The following GFRA1 variants were observed in gnomAD, a reference collection of about 807,000 sequenced individuals.
GFRA1 encodes GDNF family receptor alpha 1, also known as GDNF family receptor alpha-1.
A neutral mutation model predicts 51.6 loss-of-function variants in GFRA1; 16 were observed. That is an observed-to-expected ratio of 0.31 (90% CI 0.21 to 0.47). The LOEUF (loss-of-function observed/expected upper bound fraction) is 0.47, where lower values mean the gene tolerates loss of function less well. Ranked by LOEUF, GFRA1 falls within the 20% of genes least tolerant of loss-of-function variation. The pLI, the probability that GFRA1 is intolerant of heterozygous loss-of-function variation, is 1.00. For synonymous variants in GFRA1, 270 were observed against 241.3 expected (o/e 1.12, Z -1.10); for missense variants, 530 against 594.3 (o/e 0.89, Z 1.13).
intron 6 of GFRA1, among the ~76,000 whole-genome samples, chr10:116,116,491 G>A (rs1957417603): frequency 6.6e-6 from 1 of 152,242 alleles, no homozygotes; most frequent in Non-Finnish European, 1.5e-5. Context: ...GACTGCCAGT[G>A]ATGGTTCAGC....
chr10:116,081,432 G>A (rs139995305), intron 9 of GFRA1, among the ~76,000 whole-genome samples: 117 of 152,334 alleles, frequency 7.7e-4, no homozygotes, highest in Middle Eastern at 3.4e-3. Context: ...AATCTATAGC[G>A]ATGAAAAATG....
At chr10:116,193,933 G>C (rs1237227999) in intron 5 of GFRA1, among the ~76,000 whole-genome samples, 1 of 151,894 alleles carries the variant, frequency 6.6e-6, no homozygotes, top group South Asian at 2.1e-4. Context: ...CAGCTACTCC[G>C]GAGACTGAGG....
intron 9 of GFRA1, among the ~76,000 whole-genome samples, chr10:116,082,528 A>C (rs1955896091): frequency 6.6e-6 from 1 of 151,564 alleles, no homozygotes; most frequent in East Asian, 1.9e-4. Context: ...GCTAGAGTGC[A>C]AGAGCGTAAT....
chr10:116,068,267 C>A (rs1398438221), intron 9 of GFRA1, among the ~76,000 whole-genome samples: 9 of 152,232 alleles, frequency 5.9e-5, no homozygotes, highest in Admixed American at 5.9e-4. Flanking sequence ...TCCTACAGAG[C>A]GGTCTGGGTG....
intron 5 of GFRA1, among the ~76,000 whole-genome samples, chr10:116,202,116 G>T (rs1178397845): frequency 6.6e-6 from 1 of 152,114 alleles, no homozygotes; most frequent in Non-Finnish European, 1.5e-5. Context: ...CACTGCACTG[G>T]GTGCCAGGGA....
chr10:116,251,089 TATC>T (rs1968310698), intron 4 of GFRA1, among the ~76,000 whole-genome samples: 1 of 152,236 alleles, frequency 6.6e-6, no homozygotes, highest in African/African-American at 2.4e-5. Context: ...TTCCCTTCTG[TATC>T]ATATTGGTCA....
chr10:116,167,651 C>T (rs111516297), intron 5 of GFRA1, among the ~76,000 whole-genome samples: 76 of 151,952 alleles, frequency 5.0e-4, no homozygotes, highest in Middle Eastern at 3.4e-3. Flanking sequence ...TCAGTTTTAA[C>T]GTGCAGAACA....
At chr10:116,124,494 A>G (rs11197537) in intron 6 of GFRA1, among the ~76,000 whole-genome samples, 35,522 of 150,586 alleles carry the variant, frequency 0.24, 4,162 homozygotes, top group Middle Eastern at 0.27. Context: ...GCCTCCCAAA[A>G]TGCTGAGATT....
chr10:116,121,277 G>A (rs1957630505), intron 6 of GFRA1, among the ~76,000 whole-genome samples: 1 of 152,122 alleles, frequency 6.6e-6, no homozygotes, highest in African/African-American at 2.4e-5. Flanking sequence ...GAGGAAACCT[G>A]GCAGGGGAGG....
At chr10:116,120,185 T>C (rs921819023) in intron 6 of GFRA1, among the ~76,000 whole-genome samples, 3 of 152,210 alleles carry the variant, frequency 2.0e-5, no homozygotes, top group African/African-American at 7.2e-5. Context: ...CAAGAGAACC[T>C]TGGGGACTGA....
intron 6 of GFRA1, 122 bp downstream of exon 6, chr10:116,125,099 G>C (rs144816351): frequency 4.0e-5 from 34 of 850,952 alleles, no homozygotes; most frequent in East Asian, 1.3e-4. Flanking sequence ...CATTCAAATG[G>C]ACTGGGCTCC....
At chr10:116,079,171 C>T (rs890766114) in intron 9 of GFRA1, among the ~76,000 whole-genome samples, 1 of 152,030 alleles carries the variant, frequency 6.6e-6, no homozygotes, top group Non-Finnish European at 1.5e-5. Context: ...AGGAAGGCGG[C>T]CATCTGCAAC....
chr10:116,239,394 T>C (rs1967166363), intron 4 of GFRA1, among the ~76,000 whole-genome samples: 1 of 152,228 alleles, frequency 6.6e-6, no homozygotes, highest in African/African-American at 2.4e-5. Context: ...CTTTCCTTTA[T>C]ACCATGCTGG....
Position 116,115,213 on chromosome 10 carries a change from A to G in GFRA1, c.770+10008T>C, listed in dbSNP as rs1304634522. Among the ~76,000 whole-genome samples the G allele has an allele frequency of 3.9e-5, 6 of 152,318 alleles. No homozygotes were observed. The South Asian group carries it at 1.2e-3, about 32-fold the overall frequency. Reference sequence around the variant, plus strand: ...ATGCCCTGTAGAAATGTAAATGCCAATGTGACTGCAGGATCCTCACTTGGG... The same window carrying G: ...ATGCCCTGTAGAAATGTAAATGCCAGTGTGACTGCAGGATCCTCACTTGGG... On this transcript the variant is annotated intron_variant, in intron 6 of 10. Coordinates refer to ENST00000355422, the MANE Select transcript of GFRA1 (RefSeq NM_005264.8).
chr10:116,098,654 C>G (rs1956702235), intron 6 of GFRA1, among the ~76,000 whole-genome samples: 1 of 152,196 alleles, frequency 6.6e-6, no homozygotes, highest in Non-Finnish European at 1.5e-5. Flanking sequence ...GCCTGTCCCC[C>G]AGAGACAAGA....
intron 5 of GFRA1, among the ~76,000 whole-genome samples, chr10:116,161,898 T>G (rs1290870776): frequency 6.6e-6 from 1 of 152,210 alleles, no homozygotes; most frequent in Non-Finnish European, 1.5e-5. Context: ...TATAGGCCAA[T>G]GTTCAAATGG....
intron 4 of GFRA1, among the ~76,000 whole-genome samples, chr10:116,265,799 C>T (rs551707286): frequency 2.0e-5 from 3 of 152,246 alleles, no homozygotes; most frequent in Non-Finnish European, 4.4e-5. Context: ...CACCGGCGCA[C>T]TTTCTCCTGT....
intron 4 of GFRA1, among the ~76,000 whole-genome samples, chr10:116,230,688 A>G (rs1966622625): frequency 6.7e-6 from 1 of 150,074 alleles, no homozygotes; most frequent in African/African-American, 2.5e-5. Flanking sequence ...GCCCCCTTCT[A>G]TTAAAGAAAC....
chr10:116,162,968 A>G (rs1405400686), intron 5 of GFRA1, among the ~76,000 whole-genome samples: 1 of 152,152 alleles, frequency 6.6e-6, no homozygotes, highest in Admixed American at 6.5e-5. Flanking sequence ...ATGGCACCTC[A>G]TTCTCTGTAA....
Sources: gnomAD v4.1 joint callset for allele counts (sites outside exome capture counted in the v4.1 genomes callset) on GRCh38, gnomAD v4.1.1 for gene constraint, MANE v1.5 for transcripts, NCBI Gene and HGNC (gene_info 2026-07-23, HGNC 2026-07-21) for gene names.